ZNF433: variants seen among roughly 807,000 people sequenced by gnomAD.
The protein encoded by ZNF433 is zinc finger protein 433.
In ZNF433, 12 loss-of-function variants were observed where a neutral mutation model predicts 10.6. The observed-to-expected ratio is 1.13, with a 90% CI of 0.72 to 1.83. ZNF433 has a LOEUF of 1.83. ZNF433 is among the 40% of genes most tolerant of loss of function. The pLI is 0.00. For synonymous variants in ZNF433, 272 were observed against 271.3 expected (o/e 1.00, Z -0.02); for missense variants, 737 against 798.0 (o/e 0.92, Z 0.92).
intron 1 of ZNF433, among the ~76,000 whole-genome samples, chr19:12,020,429 C>T (rs1046241306): frequency 6.6e-6 from 1 of 152,068 alleles, no homozygotes; most frequent in African/African-American, 2.4e-5. Context: ...AGCACTTTCT[C>T]TCATGAAAAG....
At position 12,016,024 on chromosome 19, in the gene ZNF433, T is replaced by A; in HGVS notation, c.834A>T (p.Pro278=). 1.2e-6 allele frequency: 2 copies of A among 1,613,834 alleles called. No individual in the cohort carries two copies. The highest frequency in any genetic ancestry group is 8.5e-7 in the Non-Finnish European group (1 of 1,179,856). The change falls in exon 4 of 4, where the codon CCA becomes CCT. Residue 278 remains proline (P), a synonymous_variant. Coordinates refer to ENST00000550507, the MANE Select transcript of ZNF433 (RefSeq NM_001308348.2). The part of the protein sequence containing the change: ...AHKRTHTGEK[P]YECKQCGKAF... ...CTTTCCCACACTGTTTACATTCATATGGCTTCTCCCCAGTGTGAGTTCTTT... is the reference window on the plus strand; with the variant it reads ...CTTTCCCACACTGTTTACATTCATAAGGCTTCTCCCCAGTGTGAGTTCTTT...
chr19:12,016,148 C>T lies in ZNF433; in HGVS notation c.710G>A (p.Ser237Asn). 6.2e-7 allele frequency: 1 copy of T among 1,613,954 alleles called. No individual in the cohort carries two copies. Among genetic ancestry groups the T allele is most frequent in the Non-Finnish European group, 8.5e-7 (1 of 1,179,976 alleles). The change falls in exon 4 of 4, where the codon AGC (serine) becomes AAC (asparagine). Residue 237 changes from serine (S) to asparagine (N), a missense_variant. Transcript: ENST00000550507. ...QCGKAFSHSS[S>N]LRIHERTHTG... ...GTGAGTTCTTTCATGTATTCGAAGG[C>T]TACTAGAATGACTAAAGGCTTTACC...
intron 1 of ZNF433, 81 bp downstream of exon 1, chr19:12,035,456 G>A: frequency 6.5e-7 from 1 of 1,537,240 alleles, no homozygotes. Context: ...CCGCGGGGAG[G>A]CCCGGGTCCC....
In ZNF433 at chr19:12,014,775, T is replaced by C. The variant is rs1886338313; in HGVS notation, c.*70A>G. 1.7e-6 allele frequency: 2 copies of C among 1,150,544 alleles called. No homozygotes were observed. The highest frequency in any genetic ancestry group is 5.8e-5 in the Admixed American group (2 of 34,268). 71.3% of individuals were successfully genotyped at this position (1,150,544 alleles called of 1,614,324 possible). ...TAATTTTTATAACAGAGTCTCACTA[T>C]GTTGCCCAGGCTGGTCTTGAACTCC... On this transcript the variant is annotated 3_prime_UTR_variant, in exon 4 of 4. Coordinates refer to ENST00000550507, the MANE Select transcript of ZNF433 (RefSeq NM_001308348.2).
In ZNF433 at chr19:12,031,880, T is replaced by TA. The variant is rs552876271; in HGVS notation, c.3+3656dup. Among the ~76,000 whole-genome samples the TA allele has an allele frequency of 8.7e-3, 1,069 of 123,386 alleles. 12 individuals are homozygous for TA. Among genetic ancestry groups the TA allele is most frequent in the African/African-American group, 0.023 (791 of 33,928 alleles). 80.9% of individuals were successfully genotyped at this position (123,386 alleles called of 152,430 possible). A position where few individuals can be genotyped will look rare whatever the true frequency, so the allele number is the denominator to read the frequency against. ...CAGCCTGGGTGACAGCAAGACCCTTTAAAAAAAAAAAAAAAAAGTCCTCCA... is the reference window on the plus strand; with the variant it reads ...CAGCCTGGGTGACAGCAAGACCCTTTAAAAAAAAAAAAAAAAAAGTCCTCCA... On this transcript the variant is annotated intron_variant, in intron 1 of 3. Coordinates refer to ENST00000550507, the MANE Select transcript of ZNF433 (RefSeq NM_001308348.2).
intron 1 of ZNF433, chr19:12,023,946 A>G (rs1369745194): frequency 6.6e-6 from 1 of 152,134 alleles, no homozygotes; most frequent in East Asian, 1.9e-4. Flanking sequence ...GCAGAAAGAC[A>G]AAGTTCCCAC....
chr19:12,031,877 CT>C (rs1975046050), intron 1 of ZNF433, among the ~76,000 whole-genome samples: 1 of 142,494 alleles, frequency 7.0e-6, no homozygotes, highest in Admixed American at 7.0e-5. Context: ...CAGCAAGACC[CT>C]TTAAAAAAAA....
At chr19:12,033,824 A>C (rs1975149763) in intron 1 of ZNF433, among the ~76,000 whole-genome samples, 1 of 152,062 alleles carries the variant, frequency 6.6e-6, no homozygotes, top group South Asian at 2.1e-4. Flanking sequence ...TCTGTCTCCA[A>C]AAAAAAACAA....
At chr19:12,016,690 A>G (rs1974222350) in intron 3 of ZNF433, 24 bp from the exon 4 acceptor site, 6 of 1,599,930 alleles carry the variant, frequency 3.8e-6, no homozygotes, top group Non-Finnish European at 5.1e-6. Flanking sequence ...GAAGTACATT[A>G]TAATGGGTTT....
intron 2 of ZNF433, 93 bp downstream of exon 2, chr19:12,018,073 C>T (rs1486349180): frequency 4.2e-6 from 6 of 1,414,078 alleles, no homozygotes; most frequent in Non-Finnish European, 5.7e-6. Flanking sequence ...GTAAATCACT[C>T]AACAGCATAC....
At chr19:12,033,284 C>T (rs1240814483) in intron 1 of ZNF433, among the ~76,000 whole-genome samples, 2 of 152,044 alleles carry the variant, frequency 1.3e-5, no homozygotes, top group Non-Finnish European at 2.9e-5. Context: ...TCTAGTAGAG[C>T]CAAGGTTTCA....
In ZNF433 at chr19:12,015,216, T is replaced by C. The variant is rs537056245; in HGVS notation, c.1642A>G (p.Ile548Val). 5.6e-6 allele frequency: 9 copies of C among 1,613,344 alleles called. No homozygotes were observed. The East Asian group carries it at 8.9e-5, about 16-fold the overall frequency. The change falls in exon 4 of 4, where the codon ATT becomes GTT. Residue 548 changes from isoleucine (I) to valine (V), a missense_variant. Transcript: ENST00000550507. ...KAFRSASQLQ[I>V]HGRTHTGEKP... Reference sequence around the variant, plus strand: ...TCTCCAGTGTGAGTCCTTCCATGAATTTGAAGCTGTGAGGCAGATCTGAAG... The same window carrying C: ...TCTCCAGTGTGAGTCCTTCCATGAACTTGAAGCTGTGAGGCAGATCTGAAG...
chr19:12,035,245 T>C (rs1244055213), intron 1 of ZNF433, among the ~76,000 whole-genome samples: 2 of 152,204 alleles, frequency 1.3e-5, no homozygotes, highest in Non-Finnish European at 2.9e-5. Context: ...GACCCTCGCG[T>C]AGTCCCCGCA....
At position 12,016,393 on chromosome 19, in the gene ZNF433, C is replaced by G; in HGVS notation, c.465G>C (p.Gln155His). ...TTCCACTATGAGCCCTTTCATGTGTCTGAACAGAGGAGAGACAGTTGAAAG... is the reference window on the plus strand; with the variant it reads ...TTCCACTATGAGCCCTTTCATGTGTGTGAACAGAGGAGAGACAGTTGAAAG... ...KKPFNCLSSVQTHERAHSGRK... is the reference protein window; with the variant it reads ...KKPFNCLSSVHTHERAHSGRK... Residue 155 changes from glutamine (Q) to histidine (H), a missense_variant, in exon 4 of 4, where the codon CAG becomes CAC. Coordinates refer to ENST00000550507, the MANE Select transcript of ZNF433 (RefSeq NM_001308348.2). The G allele has an allele frequency of 6.2e-7, 1 of 1,614,160 alleles. No homozygotes were observed. The highest frequency in any genetic ancestry group is 2.2e-5 in the East Asian group (1 of 44,880).
Position 12,035,551 on chromosome 19 carries a change from C to T in ZNF433, c.-12G>A. ...CGCACGCTCACCATTTCTTGCCTTTCAGGTGACTCCCACGACCAGTGCGGG... is the reference window on the plus strand; with the variant it reads ...CGCACGCTCACCATTTCTTGCCTTTTAGGTGACTCCCACGACCAGTGCGGG... On this transcript the variant is annotated 5_prime_UTR_variant, in exon 1 of 4. Coordinates refer to ENST00000550507, the MANE Select transcript of ZNF433 (RefSeq NM_001308348.2). 5.1e-6 allele frequency: 8 copies of T among 1,571,294 alleles called. No individual in the cohort carries two copies. Among genetic ancestry groups the T allele is most frequent in the South Asian group, 1.2e-5 (1 of 85,406 alleles).
Position 12,016,427 on chromosome 19 carries a change from C to T in ZNF433, c.431G>A (p.Cys144Tyr), listed in dbSNP as rs1391267453. 1.2e-6 allele frequency: 2 copies of T among 1,613,994 alleles called. No individual in the cohort carries two copies. The highest frequency in any genetic ancestry group is 1.3e-5 in the African/African-American group (1 of 74,916). ...YGQKPYKCKY[C>Y]KKPFNCLSSV... ...GGAGAGACAGTTGAAAGGTTTTTTA[C>T]AGTATTTACATTTATATGGTTTCTG... is the stretch of plus-strand genomic sequence containing the variant. Residue 144 changes from cysteine (C) to tyrosine (Y), a missense_variant, in exon 4 of 4, where the codon TGT becomes TAT. By Grantham distance (194) the Cys-to-Tyr change is radical. Transcript: ENST00000550507.
intron 2 of ZNF433, 64 bp from the exon 3 acceptor site, chr19:12,018,000 T>C: frequency 7.4e-7 from 1 of 1,345,584 alleles, no homozygotes. Context: ...ATTACATGAT[T>C]CTATGTTCAT....
intron 1 of ZNF433, among the ~76,000 whole-genome samples, chr19:12,030,857 C>G (rs1004875536): frequency 9.2e-5 from 14 of 152,070 alleles, no homozygotes; most frequent in African/African-American, 3.4e-4. Context: ...GGCAGGATTA[C>G]TTGAGCTCAG....
chr19:12,029,295 G>C (rs1974886851), intron 1 of ZNF433, among the ~76,000 whole-genome samples: 1 of 152,038 alleles, frequency 6.6e-6, no homozygotes, highest in South Asian at 2.1e-4. Flanking sequence ...GTGGAGGTGG[G>C]CGCATCACCT....
Sources: allele counts gnomAD v4.1 joint callset (sites outside exome capture counted in the v4.1 genomes callset), GRCh38; gene constraint gnomAD v4.1.1; transcripts MANE v1.5; gene names NCBI Gene and HGNC (gene_info 2026-07-23, HGNC 2026-07-21).